CA10: variants seen among roughly 807,000 people sequenced by gnomAD.
CA10 encodes the protein carbonic anhydrase 10 (inactive), also known as carbonic anhydrase-related protein 10.
In CA10, 14 loss-of-function variants were observed where a neutral mutation model predicts 44.2. That is an observed-to-expected ratio of 0.32 (90% CI 0.21 to 0.50). The LOEUF (loss-of-function observed/expected upper bound fraction) is 0.50. CA10 is among the 20% of genes least tolerant of loss of function. The pLI, the probability that CA10 is intolerant of heterozygous loss-of-function variation, is 0.99. For missense variants in CA10, 350 were observed against 409.7 expected (o/e 0.85, Z 1.26); for synonymous variants, 159 against 141.6 (o/e 1.12, Z -0.87).
intron 3 of CA10, among the ~76,000 whole-genome samples, chr17:51,844,814 G>A (rs1350728210): frequency 6.6e-6 from 1 of 152,172 alleles, no homozygotes; most frequent in Non-Finnish European, 1.5e-5. Flanking sequence ...ATGGTGGGTA[G>A]AGTGGATTGC....
intron 4 of CA10, among the ~76,000 whole-genome samples, chr17:51,690,300 TC>T (rs1915149776): frequency 6.6e-6 from 1 of 152,210 alleles, no homozygotes; most frequent in South Asian, 2.1e-4. Context: ...ACTATAGTCA[TC>T]ATGTACAGTA....
At chr17:51,854,003 G>A (rs1019845598) in intron 3 of CA10, among the ~76,000 whole-genome samples, 1 of 152,116 alleles carries the variant, frequency 6.6e-6, no homozygotes, top group Non-Finnish European at 1.5e-5. Context: ...TCTGGCCTTG[G>A]TGACCTGTTA....
chr17:52,023,630 T>C (rs1179139891), intron 2 of CA10, among the ~76,000 whole-genome samples: 1 of 151,836 alleles, frequency 6.6e-6, no homozygotes, highest in Non-Finnish European at 1.5e-5. Flanking sequence ...GGGATGTGAT[T>C]CAACTAATGA....
chr17:51,957,816 G>C (rs1859012019), intron 2 of CA10, among the ~76,000 whole-genome samples: 1 of 152,148 alleles, frequency 6.6e-6, no homozygotes, highest in African/African-American at 2.4e-5. Flanking sequence ...TGCTTTGAAT[G>C]ACATTCCCTG....
intron 1 of CA10, among the ~76,000 whole-genome samples, chr17:52,107,257 C>T (rs1255107632): frequency 6.6e-6 from 1 of 152,076 alleles, no homozygotes; most frequent in East Asian, 1.9e-4. Context: ...TTCTGATTCC[C>T]TTTTACTCTT....
intron 1 of CA10, among the ~76,000 whole-genome samples, chr17:52,121,817 C>T (rs1296065261): frequency 1.3e-5 from 2 of 152,140 alleles, no homozygotes; most frequent in Non-Finnish European, 2.9e-5. Flanking sequence ...CAATCCTGCC[C>T]CTGCTGCACA....
At chr17:52,076,940 G>A (rs909671976) in intron 1 of CA10, among the ~76,000 whole-genome samples, 27 of 152,098 alleles carry the variant, frequency 1.8e-4, no homozygotes, top group African/African-American at 6.5e-4. Context: ...ATTTTTTAAT[G>A]TGCAACCAGC....
intron 3 of CA10, among the ~76,000 whole-genome samples, chr17:51,788,872 A>G (rs1906398392): frequency 6.6e-6 from 1 of 152,214 alleles, no homozygotes; most frequent in South Asian, 2.1e-4. Flanking sequence ...GATTGGGATA[A>G]AAACCTACCT....
In CA10 at chr17:51,698,446, G is replaced by C. The variant is rs189814724; in HGVS notation, c.466-44710C>G. Among the ~76,000 whole-genome samples, 285 of 152,246 alleles carry C rather than the reference G, an allele frequency of 1.9e-3. 7 individuals are homozygous for C. The highest frequency in any genetic ancestry group is 0.017 in the Admixed American group (257 of 15,296). On this transcript the variant is annotated intron_variant, in intron 4 of 8. Coordinates refer to ENST00000451037, the MANE Select transcript of CA10 (RefSeq NM_020178.5). ...CTTTACTGAGGTATAATTGATAGAA[G>C]GCAATTGTATATATTTAAGGTATAC...
chr17:51,849,323 T>C (rs908157299), intron 3 of CA10, among the ~76,000 whole-genome samples: 16 of 147,580 alleles, frequency 1.1e-4, no homozygotes, highest in African/African-American at 3.5e-4. Flanking sequence ...CTCACATGCA[T>C]CACCTACCAC....
intron 3 of CA10, among the ~76,000 whole-genome samples, chr17:51,759,722 G>A (rs1193912840): frequency 6.6e-6 from 1 of 152,060 alleles, no homozygotes; most frequent in Non-Finnish European, 1.5e-5. Context: ...CCTCTCCTGA[G>A]CTTCCTTTGA....
chr17:51,921,104 C>T (rs1175847973), intron 3 of CA10, among the ~76,000 whole-genome samples: 2 of 152,106 alleles, frequency 1.3e-5, no homozygotes, highest in South Asian at 2.1e-4. Context: ...GATTTACATC[C>T]TAGTTAAATC....
At chr17:51,825,837 G>A (rs185489531) in intron 3 of CA10, among the ~76,000 whole-genome samples, 20 of 152,280 alleles carry the variant, frequency 1.3e-4, no homozygotes, top group Admixed American at 5.2e-4. Flanking sequence ...CAGTATAGAC[G>A]GTGGCTCGGA....
rs377225685 is a variant in CA10 at position 51,767,001 on chromosome 17, G to C, written c.280-19183C>G. 7.2e-5 allele frequency among the ~76,000 whole-genome samples: 11 copies of C among 152,326 alleles called. No individual in the cohort carries two copies. In the East Asian group the frequency reaches 1.7e-3, roughly 24 times the overall value. ...AAGTCTTGGGAGGTGCCTTGGTAGA[G>C]ATCAGTTGCTATTTAAAAAATCTCT... On this transcript the variant is annotated intron_variant, in intron 3 of 8. Transcript: ENST00000451037.
chr17:52,100,914 CTTCA>C (rs1284823359), intron 1 of CA10, among the ~76,000 whole-genome samples: 1 of 152,162 alleles, frequency 6.6e-6, no homozygotes, highest in African/African-American at 2.4e-5. Flanking sequence ...ATAATGATAT[CTTCA>C]TTGTCTATGA....
At chr17:51,873,682 G>C (rs1203612052) in intron 3 of CA10, among the ~76,000 whole-genome samples, 1 of 152,228 alleles carries the variant, frequency 6.6e-6, no homozygotes, top group African/African-American at 2.4e-5. Flanking sequence ...TGGGTGTGCT[G>C]AGAGGCAATT....
chr17:51,681,652 T>G (rs1914851581), intron 4 of CA10, among the ~76,000 whole-genome samples: 2 of 152,152 alleles, frequency 1.3e-5, no homozygotes, highest in African/African-American at 2.4e-5. Context: ...GACCACTGGT[T>G]TAAGGTAAGA....
chr17:51,757,039 A>C (rs1189254001), intron 3 of CA10, among the ~76,000 whole-genome samples: 1 of 152,176 alleles, frequency 6.6e-6, no homozygotes, highest in Non-Finnish European at 1.5e-5. Flanking sequence ...CGGCCGTGTC[A>C]TGAATTAGGT....
intron 7 of CA10, among the ~76,000 whole-genome samples, chr17:51,633,872 G>C (rs1226159062): frequency 6.6e-6 from 1 of 152,216 alleles, no homozygotes; most frequent in Non-Finnish European, 1.5e-5. Flanking sequence ...ACTAGCTTGT[G>C]TATGCCTCTG....
Sources: allele counts gnomAD v4.1 joint callset (sites outside exome capture counted in the v4.1 genomes callset), GRCh38; gene constraint gnomAD v4.1.1; transcripts MANE v1.5; gene names NCBI Gene and HGNC (gene_info 2026-07-23, HGNC 2026-07-21).